Variants in VPS13B observed in about 807,000 individuals in gnomAD.
VPS13B encodes vacuolar protein sorting 13 homolog B, also known as intermembrane lipid transfer protein VPS13B.
In VPS13B, 285 loss-of-function variants were observed where a neutral mutation model predicts 426.4. The ratio of observed to expected loss-of-function variants is 0.67; its 90% confidence interval spans 0.61 to 0.74. The LOEUF is 0.74. Ranked by LOEUF, VPS13B falls within the 30% of genes least tolerant of loss-of-function variation. The probability of loss-of-function intolerance (pLI) is 0.00; values close to 1 mark genes in which losing one functional copy is unlikely to be tolerated. For synonymous variants in VPS13B, 1,676 were observed against 1,676.4 expected (o/e 1.00, Z 0.01); for missense variants, 4,537 against 4,782.6 (o/e 0.95, Z 1.51).
At chr8:99,863,791 G>A (rs1816957045) in intron 58 of VPS13B, among the ~76,000 whole-genome samples, 1 of 152,122 alleles carries the variant, frequency 6.6e-6, no homozygotes. Context: ...ATTCATTTTT[G>A]GAAACTGCAG....
Position 99,444,585 on chromosome 8 carries a change from G to A in VPS13B, c.3445+1950G>A, listed in dbSNP as rs184587774. On this transcript the variant is annotated intron_variant, in intron 23 of 61. Transcript: ENST00000357162. ...GAAGTGGAATCTCATTGTGGTTTTG[G>A]TTTGCATTTCCCTAATGACTAATAA... 4.0e-3 allele frequency among the ~76,000 whole-genome samples: 607 copies of A among 152,088 alleles called. 4 individuals are homozygous for A. Among genetic ancestry groups the A allele is most frequent in the Non-Finnish European group, 5.0e-3 (341 of 67,934 alleles).
At chr8:99,171,587 A>C (rs969306587) in intron 16 of VPS13B, among the ~76,000 whole-genome samples, 11 of 152,070 alleles carry the variant, frequency 7.2e-5, no homozygotes, top group African/African-American at 2.2e-4. Context: ...GTCAAATGTT[A>C]CTTAAAATAT....
intron 21 of VPS13B, among the ~76,000 whole-genome samples, chr8:99,425,172 T>G (rs1816621720): frequency 6.6e-6 from 1 of 152,052 alleles, no homozygotes; most frequent in Non-Finnish European, 1.5e-5. Context: ...CTGAAACTAT[T>G]CCAATCAATA....
intron 19 of VPS13B, among the ~76,000 whole-genome samples, chr8:99,351,239 G>T (rs1047759049): frequency 1.3e-5 from 2 of 152,042 alleles, no homozygotes; most frequent in African/African-American, 4.8e-5. Flanking sequence ...AGGTTTCTCT[G>T]TCTCTAGTTA....
intron 19 of VPS13B, among the ~76,000 whole-genome samples, chr8:99,301,599 A>G (rs986635945): frequency 2.7e-5 from 4 of 150,752 alleles, no homozygotes; most frequent in African/African-American, 7.3e-5. Context: ...CAAGAGTCCC[A>G]TCTTGTTTTA....
At chr8:99,343,806 T>A (rs763300421) in intron 19 of VPS13B, among the ~76,000 whole-genome samples, 2 of 152,162 alleles carry the variant, frequency 1.3e-5, no homozygotes, top group Non-Finnish European at 2.9e-5. Flanking sequence ...AGAACACTGA[T>A]GAAAGAAATG....
intron 40 of VPS13B, among the ~76,000 whole-genome samples, chr8:99,772,299 TG>T (rs1811541246): frequency 6.6e-6 from 1 of 152,060 alleles, no homozygotes. Flanking sequence ...AGCACATTCA[TG>T]GGTTATGAAA....
chr8:99,083,095 C>A (rs1845576106), intron 3 of VPS13B, among the ~76,000 whole-genome samples: 1 of 152,248 alleles, frequency 6.6e-6, no homozygotes, highest in African/African-American at 2.4e-5. Context: ...TACCCATGAG[C>A]ATGGAATGTT....
chr8:99,769,606 A>G (rs1811383405), intron 40 of VPS13B, among the ~76,000 whole-genome samples: 1 of 152,198 alleles, frequency 6.6e-6, no homozygotes, highest in African/African-American at 2.4e-5. Flanking sequence ...TCTTGCCTAT[A>G]ATTGAGATGA....
intron 50 of VPS13B, among the ~76,000 whole-genome samples, chr8:99,821,916 A>G (rs923846999): frequency 1.3e-5 from 2 of 152,334 alleles, no homozygotes; most frequent in East Asian, 3.8e-4. Flanking sequence ...AATTATGTGG[A>G]TCAATTCTAA....
At chr8:99,860,697 A>G (rs1387134079) in intron 57 of VPS13B, among the ~76,000 whole-genome samples, 1 of 152,228 alleles carries the variant, frequency 6.6e-6, no homozygotes, top group African/African-American at 2.4e-5. Flanking sequence ...ACCTGCAATA[A>G]CAGATGAGCT....
At chr8:99,444,939 C>T (rs376264915) in intron 23 of VPS13B, among the ~76,000 whole-genome samples, 25 of 152,172 alleles carry the variant, frequency 1.6e-4, no homozygotes, top group African/African-American at 5.8e-4. Flanking sequence ...ATTAGTCACC[C>T]TGCCCAACCT....
chr8:99,742,725 C>G (rs1809814267), intron 39 of VPS13B, among the ~76,000 whole-genome samples: 1 of 152,138 alleles, frequency 6.6e-6, no homozygotes, highest in Non-Finnish European at 1.5e-5. Context: ...TGACAAAAAC[C>G]ATATGATTAT....
intron 31 of VPS13B, among the ~76,000 whole-genome samples, chr8:99,556,936 A>G (rs1824609250): frequency 6.6e-6 from 1 of 151,054 alleles, no homozygotes; most frequent in Non-Finnish European, 1.5e-5. Flanking sequence ...GCTAAAGGAT[A>G]CACATTTTCT....
Position 99,502,948 on chromosome 8 carries a change from C to T in VPS13B, c.4155C>T (p.Ser1385=). 6.3e-7 allele frequency: 1 copy of T among 1,588,078 alleles called. No individual in the cohort carries two copies. The highest frequency in any genetic ancestry group is 1.7e-5 in the Admixed American group (1 of 59,956). ...GTTTCAATATTGATCACTATAGAAG[C>T]AGGTAAATAATGAATAATGAATATA... The part of the protein sequence containing the change: ...IESFNIDHYR[S]RPGEGWQSGH... The change falls in exon 27 of 62, where the codon AGC becomes AGT. Residue 1385 remains serine, a splice_region_variant and synonymous_variant. Transcript: ENST00000357162.
At chr8:99,576,382 T>G (rs1949123) in intron 32 of VPS13B, among the ~76,000 whole-genome samples, 26,504 of 151,974 alleles carry the variant, frequency 0.17, 2,840 homozygotes, top group East Asian at 0.39. Flanking sequence ...TGACTATTTT[T>G]TTTTAATCCT....
chr8:99,679,595 C>T (rs1831075170), intron 35 of VPS13B, among the ~76,000 whole-genome samples: 1 of 152,164 alleles, frequency 6.6e-6, no homozygotes, highest in Non-Finnish European at 1.5e-5. Flanking sequence ...GGTCAAGAAC[C>T]TTTCATTTCA....
chr8:99,810,490 A>G (rs567074615), intron 44 of VPS13B, among the ~76,000 whole-genome samples: 7 of 152,318 alleles, frequency 4.6e-5, no homozygotes, highest in East Asian at 1.9e-4. Context: ...GACCCACACC[A>G]TATGCATTCT....
intron 39 of VPS13B, among the ~76,000 whole-genome samples, chr8:99,749,749 A>G (rs964652980): frequency 5.3e-5 from 8 of 152,050 alleles, no homozygotes; most frequent in African/African-American, 1.4e-4. Context: ...TCTTTTTGTT[A>G]TATACCTAGC....
Sources: allele counts gnomAD v4.1 joint callset (sites outside exome capture counted in the v4.1 genomes callset), GRCh38; gene constraint gnomAD v4.1.1; transcripts MANE v1.5; gene names NCBI Gene and HGNC (gene_info 2026-07-23, HGNC 2026-07-21).